SH3RF3: variants seen among roughly 807,000 people sequenced by gnomAD.
The protein encoded by SH3RF3 is E3 ubiquitin-protein ligase SH3RF3.
In SH3RF3, 29 loss-of-function variants were observed where a neutral mutation model predicts 66.3. That is an observed-to-expected ratio of 0.44 (90% CI 0.33 to 0.60). SH3RF3 has a LOEUF of 0.60. SH3RF3 is among the 20% of genes least tolerant of loss of function. The pLI is 0.04. For missense variants in SH3RF3, 1,194 were observed against 1,190.9 expected (o/e 1.00, Z -0.04); for synonymous variants, 583 against 532.0 (o/e 1.10, Z -1.32).
intron 2 of SH3RF3, among the ~76,000 whole-genome samples, chr2:109,349,503 T>TC (rs1216116965): frequency 6.6e-6 from 1 of 151,988 alleles, no homozygotes; most frequent in Non-Finnish European, 1.5e-5. Context: ...AGTGGACTCT[T>TC]CCCCCTAAGA....
At chr2:109,300,593 A>G (rs1681442945) in intron 1 of SH3RF3, among the ~76,000 whole-genome samples, 1 of 152,174 alleles carries the variant, frequency 6.6e-6, no homozygotes, top group South Asian at 2.1e-4. Flanking sequence ...TATGATTGGC[A>G]AATATGCACT....
At chr2:109,256,336 G>C (rs957264763) in intron 1 of SH3RF3, among the ~76,000 whole-genome samples, 6 of 152,242 alleles carry the variant, frequency 3.9e-5, no homozygotes, top group Admixed American at 1.3e-4. Context: ...GGGCGAGCTT[G>C]GAAGGTGCTC....
At chr2:109,186,836 A>G (rs1015650703) in intron 1 of SH3RF3, among the ~76,000 whole-genome samples, 1 of 152,168 alleles carries the variant, frequency 6.6e-6, no homozygotes, top group African/African-American at 2.4e-5. Flanking sequence ...TCACCTCCCC[A>G]GCTATGGGGT....
intron 6 of SH3RF3, among the ~76,000 whole-genome samples, chr2:109,434,151 T>A (rs1305920414): frequency 2.0e-5 from 3 of 152,168 alleles, no homozygotes; most frequent in African/African-American, 7.2e-5. Flanking sequence ...AGGTCACCCC[T>A]CTAGGTTAGG....
intron 1 of SH3RF3, among the ~76,000 whole-genome samples, chr2:109,285,705 TGC>T (rs1681016340): frequency 6.6e-6 from 1 of 152,336 alleles, no homozygotes; most frequent in East Asian, 1.9e-4. Context: ...AGCTTGCTTT[TGC>T]ATCTGTCCCT....
chr2:109,234,297 A>G (rs1679590700), intron 1 of SH3RF3, among the ~76,000 whole-genome samples: 1 of 152,266 alleles, frequency 6.6e-6, no homozygotes, highest in Non-Finnish European at 1.5e-5. Flanking sequence ...TGGACAGTTC[A>G]TATAGGAAAA....
intron 1 of SH3RF3, among the ~76,000 whole-genome samples, chr2:109,238,449 TTGTGTGTGTG>T (rs56112018): frequency 0.24 from 34,585 of 142,554 alleles, 4,654 homozygotes; most frequent in Non-Finnish European, 0.32. Context: ...TTATGTATAT[TTGTGTGTGTG>T]TGTGTGTGTG....
At chr2:109,343,375 T>C (rs532346677) in intron 1 of SH3RF3, among the ~76,000 whole-genome samples, 1 of 152,270 alleles carries the variant, frequency 6.6e-6, no homozygotes, top group Non-Finnish European at 1.5e-5. Flanking sequence ...CTTTTTTTTT[T>C]CTTTCCCTCA....
chr2:109,386,045 G>A (rs1422092877), intron 3 of SH3RF3, among the ~76,000 whole-genome samples: 2 of 152,236 alleles, frequency 1.3e-5, no homozygotes, highest in African/African-American at 4.8e-5. Flanking sequence ...GGATGAGCTG[G>A]AATGGAAGTG....
At chr2:109,199,618 G>GAACCC (rs1558953989) in intron 1 of SH3RF3, among the ~76,000 whole-genome samples, 1 of 234 alleles carries the variant, frequency 4.3e-3, no homozygotes, top group African/African-American at 0.013. Flanking sequence ...GGAATGGAAT[G>GAACCC]GAATGGAATG....
chr2:109,260,849 A>C (rs539036585), intron 1 of SH3RF3, among the ~76,000 whole-genome samples: 1 of 152,148 alleles, frequency 6.6e-6, no homozygotes, highest in East Asian at 1.9e-4. Flanking sequence ...TACAGAGAGT[A>C]ATGGAAGGTA....
chr2:109,196,170 G>C (rs1029114633), intron 1 of SH3RF3, among the ~76,000 whole-genome samples: 1 of 152,220 alleles, frequency 6.6e-6, no homozygotes, highest in Non-Finnish European at 1.5e-5. Context: ...GGTTGGCCAT[G>C]GCAGAGCTGC....
chr2:109,471,367 G>T (rs1419014830), intron 8 of SH3RF3, among the ~76,000 whole-genome samples: 1 of 152,148 alleles, frequency 6.6e-6, no homozygotes, highest in Non-Finnish European at 1.5e-5. Flanking sequence ...TTCACAAGGC[G>T]GCAGGAGAGA....
intron 4 of SH3RF3, among the ~76,000 whole-genome samples, chr2:109,407,911 G>A (rs1184366493): frequency 2.0e-5 from 3 of 152,200 alleles, no homozygotes; most frequent in Non-Finnish European, 4.4e-5. Context: ...CGATTGCAAA[G>A]CTTACCAATC....
At chr2:109,132,143 G>T (rs1461259439) in intron 1 of SH3RF3, among the ~76,000 whole-genome samples, 1 of 152,072 alleles carries the variant, frequency 6.6e-6, no homozygotes, top group Admixed American at 6.6e-5. Flanking sequence ...TAATAGAGGG[G>T]CACTTATTTA....
At chr2:109,484,908 A>C (rs1045168240) in intron 8 of SH3RF3, among the ~76,000 whole-genome samples, 2 of 152,200 alleles carry the variant, frequency 1.3e-5, no homozygotes, top group Non-Finnish European at 2.9e-5. Context: ...CCCCAGTCTC[A>C]GGTCACAAAA....
At chr2:109,200,043 A>C (rs1385194923) in intron 1 of SH3RF3, among the ~76,000 whole-genome samples, 1 of 152,080 alleles carries the variant, frequency 6.6e-6, no homozygotes, top group Non-Finnish European at 1.5e-5. Flanking sequence ...ACAGCCCCCC[A>C]CAGAGAAATG....
intron 1 of SH3RF3, among the ~76,000 whole-genome samples, chr2:109,243,074 A>C (rs772502671): frequency 3.3e-5 from 5 of 152,232 alleles, no homozygotes; most frequent in Non-Finnish European, 5.9e-5. Flanking sequence ...GGCTGTTCAT[A>C]TTCCTGTAGC....
At chr2:109,472,192 A>G (rs1678534541) in intron 8 of SH3RF3, among the ~76,000 whole-genome samples, 1 of 152,256 alleles carries the variant, frequency 6.6e-6, no homozygotes, top group South Asian at 2.1e-4. Flanking sequence ...AGCAGTCCCC[A>G]GTTAAAAATT....
Sources: allele counts gnomAD v4.1 joint callset (sites outside exome capture counted in the v4.1 genomes callset), GRCh38; gene constraint gnomAD v4.1.1; transcripts MANE v1.5; gene names NCBI Gene and HGNC (gene_info 2026-07-23, HGNC 2026-07-21).